The following GRM7 variants were observed in gnomAD, a reference collection of about 807,000 sequenced individuals.
The protein encoded by GRM7 is metabotropic glutamate receptor 7.
GRM7 carries 35 observed loss-of-function variants against 84.5 expected under a neutral mutation model. The ratio of observed to expected loss-of-function variants is 0.41; its 90% CI spans 0.32 to 0.55. The LOEUF (loss-of-function observed/expected upper bound fraction) is 0.55. Ranked by LOEUF, GRM7 falls within the 20% of genes least tolerant of loss-of-function variation. The pLI, the probability that GRM7 is intolerant of heterozygous loss-of-function variation, is 0.19. For missense variants in GRM7, 1,003 were observed against 1,194.6 expected, an observed-to-expected ratio of 0.84 and a Z score of 2.36; for synonymous variants, 487 against 455.1, an observed-to-expected ratio of 1.07 and a Z score of -0.89.
intron 8 of GRM7, among the ~76,000 whole-genome samples, chr3:7,584,092 G>A (rs1695400432): frequency 6.6e-6 from 1 of 152,178 alleles, no homozygotes; most frequent in South Asian, 2.1e-4. Context: ...AAAGTGGCAT[G>A]ACAATGTAGT....
At chr3:7,066,227 A>G (rs1288223716) in intron 1 of GRM7, among the ~76,000 whole-genome samples, 1 of 151,978 alleles carries the variant, frequency 6.6e-6, no homozygotes, top group Admixed American at 6.6e-5. Context: ...CAAAGGATAA[A>G]TGAAACAAAA....
chr3:7,156,619 G>A (rs1694458017), intron 2 of GRM7, among the ~76,000 whole-genome samples: 1 of 152,140 alleles, frequency 6.6e-6, no homozygotes, highest in Non-Finnish European at 1.5e-5. Flanking sequence ...CTTGTTTACA[G>A]TTGACTGTGT....
chr3:7,250,540 C>T (rs80225648), intron 2 of GRM7, among the ~76,000 whole-genome samples: 151,609 of 151,612 alleles, frequency 1, 75,803 homozygotes, highest in Non-Finnish European at 1. Context: ...GGAAAAAATC[C>T]AAAAAAATCC....
At chr3:7,246,835 A>G (rs1288877197) in intron 2 of GRM7, among the ~76,000 whole-genome samples, 1 of 152,192 alleles carries the variant, frequency 6.6e-6, no homozygotes, top group African/African-American at 2.4e-5. Flanking sequence ...AATGGAAATG[A>G]GCTAGAACAG....
chr3:7,113,182 C>T (rs186833216), intron 1 of GRM7, among the ~76,000 whole-genome samples: 1 of 151,494 alleles, frequency 6.6e-6, no homozygotes, highest in African/African-American at 2.4e-5. Context: ...TTTCAAAATA[C>T]GTGAAAAAAA....
At chr3:7,455,669 A>G (rs969474761) in intron 6 of GRM7, among the ~76,000 whole-genome samples, 3 of 152,194 alleles carry the variant, frequency 2.0e-5, no homozygotes, top group South Asian at 2.1e-4. Flanking sequence ...TGAGAATAAT[A>G]GATAAAGGAA....
intron 8 of GRM7, among the ~76,000 whole-genome samples, chr3:7,623,148 C>G (rs1264020804): frequency 6.6e-6 from 1 of 152,070 alleles, no homozygotes; most frequent in Admixed American, 6.6e-5. Context: ...GAGGTGATGA[C>G]TTGTTCAAGA....
intron 2 of GRM7, among the ~76,000 whole-genome samples, chr3:7,220,930 C>G (rs1559509550): frequency 6.6e-6 from 1 of 151,980 alleles, no homozygotes; most frequent in Admixed American, 6.6e-5. Flanking sequence ...CTGTCTCTAC[C>G]AAAACTACAA....
At chr3:7,245,839 A>T (rs1487000482) in intron 2 of GRM7, among the ~76,000 whole-genome samples, 1 of 152,134 alleles carries the variant, frequency 6.6e-6, no homozygotes, top group South Asian at 2.1e-4. Context: ...AATAATAGTG[A>T]TGCATTTTGA....
At chr3:7,147,502 G>A (rs1694149980) in intron 2 of GRM7, among the ~76,000 whole-genome samples, 1 of 152,054 alleles carries the variant, frequency 6.6e-6, no homozygotes, top group Non-Finnish European at 1.5e-5. Flanking sequence ...TTATTTACCA[G>A]AACAGTTTAC....
At chr3:7,141,883 A>G (rs1693955865) in intron 1 of GRM7, among the ~76,000 whole-genome samples, 1 of 152,130 alleles carries the variant, frequency 6.6e-6, no homozygotes, top group Admixed American at 6.6e-5. Flanking sequence ...TGGAAGGAAA[A>G]AAGTATAGAT....
At chr3:7,143,098 A>G (rs897104161) in intron 1 of GRM7, among the ~76,000 whole-genome samples, 1 of 152,194 alleles carries the variant, frequency 6.6e-6, no homozygotes, top group Non-Finnish European at 1.5e-5. Flanking sequence ...GGCAAGAGAG[A>G]AAAGGTCCAA....
chr3:7,493,021 T>C (rs1369348437), intron 7 of GRM7, among the ~76,000 whole-genome samples: 1 of 152,134 alleles, frequency 6.6e-6, no homozygotes. Context: ...TTTGATTTCA[T>C]TGCTGTTCTA....
chr3:7,584,063 C>G (rs887853163), intron 8 of GRM7, among the ~76,000 whole-genome samples: 7 of 152,174 alleles, frequency 4.6e-5, no homozygotes, highest in African/African-American at 1.7e-4. Flanking sequence ...GACAAGTGGA[C>G]TGAAATTTAG....
intron 1 of GRM7, among the ~76,000 whole-genome samples, chr3:6,965,844 G>A (rs1419030530): frequency 6.6e-6 from 1 of 152,140 alleles, no homozygotes; most frequent in Admixed American, 6.5e-5. Context: ...GTGCTATTGA[G>A]GGGTCTGCTG....
intron 1 of GRM7, among the ~76,000 whole-genome samples, chr3:6,994,823 A>G (rs543831497): frequency 6.6e-6 from 1 of 152,336 alleles, no homozygotes; most frequent in East Asian, 1.9e-4. Flanking sequence ...GAAGTCTTTC[A>G]TGGTGAACTT....
chr3:7,437,129 G>C (rs1697090421), intron 5 of GRM7, among the ~76,000 whole-genome samples: 1 of 152,094 alleles, frequency 6.6e-6, no homozygotes, highest in Non-Finnish European at 1.5e-5. Flanking sequence ...ATAAGTGGCA[G>C]AACCAAAATT....
At chr3:7,337,791 T>C (rs1439826010) in intron 4 of GRM7, among the ~76,000 whole-genome samples, 1 of 151,938 alleles carries the variant, frequency 6.6e-6, no homozygotes, top group East Asian at 1.9e-4. Flanking sequence ...AAGGGAACAC[T>C]TATACATTGC....
intron 1 of GRM7, among the ~76,000 whole-genome samples, chr3:6,987,718 G>A (rs1437416841): frequency 6.6e-6 from 1 of 152,184 alleles, no homozygotes; most frequent in Non-Finnish European, 1.5e-5. Flanking sequence ...AAAGTTGTAT[G>A]ACCTGCTTAC....
Sources: allele counts gnomAD v4.1 joint callset (sites outside exome capture counted in the v4.1 genomes callset), GRCh38; gene constraint gnomAD v4.1.1; transcripts MANE v1.5; gene names NCBI Gene and HGNC (gene_info 2026-07-23, HGNC 2026-07-21).